The following TBC1D9B variants were observed in gnomAD, a reference collection of about 807,000 sequenced individuals.
The protein encoded by TBC1D9B is TBC1 domain family, member 9B (with GRAM domain).
TBC1D9B carries 87 observed loss-of-function variants against 121.1 expected under a neutral mutation model. That is an observed-to-expected ratio of 0.72 (90% CI 0.60 to 0.86). The LOEUF is 0.86. TBC1D9B is among the 40% of genes least tolerant of loss of function. TBC1D9B has a pLI of 0.00. For synonymous variants in TBC1D9B, 668 were observed against 670.1 expected (o/e 1.00, Z 0.05); for missense variants, 1,540 against 1,628.6 (o/e 0.95, Z 0.94).
Position 179,885,597 on chromosome 5 carries a change from A to C in TBC1D9B, c.1254+2506T>G, listed in dbSNP as rs1760661023. 6.6e-6 allele frequency among the ~76,000 whole-genome samples: 1 copy of C among 151,460 alleles called. No homozygotes were observed. The highest frequency in any genetic ancestry group is 2.4e-5 in the African/African-American group (1 of 41,224). Reference sequence around the variant, plus strand: ...GAGCAAGACTCTGTCCCCCCCCCAAAAAAAAAAAGATGGAGGTATTTTACG... The same window carrying C: ...GAGCAAGACTCTGTCCCCCCCCCAACAAAAAAAAGATGGAGGTATTTTACG... On this transcript the variant is annotated intron_variant, in intron 7 of 20. Coordinates refer to ENST00000355235, the MANE Select transcript of TBC1D9B (RefSeq NM_015043.4). This position sits in a 1 kb window ranked among gnomAD's most constrained non-coding sequence, Gnocchi z 4.5.
chr5:179,865,387 T>C lies in TBC1D9B; in HGVS notation c.2915-27A>G. 1.9e-6 allele frequency: 3 copies of C among 1,608,830 alleles called. No individual in the cohort carries two copies. The highest frequency in any genetic ancestry group is 1.7e-6 in the Non-Finnish European group (2 of 1,175,392). ...TGCAGGTTAGGAGGAAAGAGATTAA[T>C]CTTTGTCATGTGAGACGGCTGCGGG... On this transcript the variant is annotated intron_variant, in intron 19 of 20. Coordinates refer to ENST00000355235, the MANE Select transcript of TBC1D9B (RefSeq NM_015043.4). This position sits in a 1 kb window ranked among gnomAD's most constrained non-coding sequence, Gnocchi z 5.1.
chr5:179,879,919 G>C, intron 7 of TBC1D9B, 130 bp from the exon 8 acceptor site: 1 of 1,142,412 alleles, frequency 8.8e-7, no homozygotes, highest in South Asian at 1.6e-5. Flanking sequence ...GGTGCACGGA[G>C]AAGAGCCTGT....
At position 179,863,801 on chromosome 5, in the gene TBC1D9B, C is replaced by T. The variant is rs141190577; in HGVS notation, c.3349G>A (p.Glu1117Lys). 1.3e-5 allele frequency: 21 copies of T among 1,613,562 alleles called. 1 individual carries two copies. The Admixed American group carries it at 2.0e-4, about 15-fold the overall frequency. ...AGCTGGGAGGGTGAGCCCTGTCCCT[C>T]GCCGCTGCCCCCCTCCACCACCACC... The part of the protein sequence containing the change: ...SQVVVEGGSG[E>K]GQGSPSQLLS... Residue 1117 changes from glutamate (E) to lysine (K), a missense_variant, in exon 21 of 21, where the codon GAG becomes AAG. Glu to Lys is a moderately conservative substitution (Grantham distance 56). Transcript: ENST00000355235. This position sits in a 1 kb window ranked among gnomAD's most constrained non-coding sequence, Gnocchi z 4.5.
chr5:179,869,506 G>A, intron 17 of TBC1D9B: 1 of 644,330 alleles, frequency 1.6e-6, no homozygotes, highest in East Asian at 3.1e-5. Flanking sequence ...GGGTCCAGCT[G>A]CCTCCTCGGT....
At position 179,862,712 on chromosome 5, in the gene TBC1D9B, C is replaced by T. The variant is rs1457350754; in HGVS notation, c.*736G>A. On this transcript the variant is annotated 3_prime_UTR_variant, in exon 21 of 21. Coordinates refer to ENST00000355235, the MANE Select transcript of TBC1D9B (RefSeq NM_015043.4). ...GGGAGGCCTAAGCAGTGGTTGGGGG[C>T]CACAGCAAGGCATTGCACACAGTGG... The T allele has an allele frequency of 2.4e-6, 1 of 423,704 alleles. No individual in the cohort carries two copies. The highest frequency in any genetic ancestry group is 2.0e-5 in the African/African-American group (1 of 49,544). 26.2% of individuals were successfully genotyped at this position (423,704 alleles called of 1,614,324 possible).
At chr5:179,878,990 G>C in intron 9 of TBC1D9B, 57 bp downstream of exon 9, 1 of 1,575,316 alleles carries the variant, frequency 6.3e-7, no homozygotes, top group East Asian at 2.2e-5. Context: ...CTCACACGGG[G>C]AGAGCTTGGG....
intron 3 of TBC1D9B, among the ~76,000 whole-genome samples, chr5:179,898,742 C>T (rs1339776156): frequency 2.0e-5 from 3 of 152,224 alleles, no homozygotes; most frequent in Non-Finnish European, 4.4e-5. Flanking sequence ...GGCCACCACA[C>T]CTGGCCCTTT....
chr5:179,907,558 G>T lies in TBC1D9B; in HGVS notation c.118+146C>A. On this transcript the variant is annotated intron_variant, in intron 1 of 20. Transcript: ENST00000355235. This position sits in a 1 kb window ranked among gnomAD's most constrained non-coding sequence, Gnocchi z 5.3. ...CCCGGCTCCCGGGTCCTGGCCTCGCGCCCCCGCCCCGCCGCGCGCTGGCGT... is the reference window on the plus strand; with the variant it reads ...CCCGGCTCCCGGGTCCTGGCCTCGCTCCCCCGCCCCGCCGCGCGCTGGCGT... The T allele has an allele frequency of 3.4e-6, 1 of 295,540 alleles. No individual in the cohort carries two copies. The allele number at this position is 295,540 out of a possible 1,614,324, so 18.3% of individuals were successfully genotyped here.
chr5:179,898,533 C>T (rs1761077374), intron 3 of TBC1D9B, among the ~76,000 whole-genome samples: 1 of 151,788 alleles, frequency 6.6e-6, no homozygotes, highest in Non-Finnish European at 1.5e-5. Flanking sequence ...ACTGCAACCT[C>T]GGCCTCCTGG....
chr5:179,877,150 T>A (rs1288818743), intron 10 of TBC1D9B, among the ~76,000 whole-genome samples: 3 of 144,954 alleles, frequency 2.1e-5, no homozygotes, highest in East Asian at 4.1e-4. Flanking sequence ...TTTGAGAGGC[T>A]GAGGCGGAAA....
rs1163602365 is a variant in TBC1D9B at position 179,907,473 on chromosome 5, C to A, written c.118+231G>T. ...CGCCCCAAGCCGACCTGAGGAGAGC[C>A]CGCCGAGGGCGCATTCGCCTCCCGC... On this transcript the variant is annotated intron_variant, in intron 1 of 20. Coordinates refer to ENST00000355235, the MANE Select transcript of TBC1D9B (RefSeq NM_015043.4). The surrounding 1 kb of genome is among the most constrained non-coding windows in gnomAD (Gnocchi z 5.3). Among the ~76,000 whole-genome samples, 1 of 151,386 alleles carries A rather than the reference C, an allele frequency of 6.6e-6. No homozygotes were observed. Among genetic ancestry groups the A allele is most frequent in the African/African-American group, 2.4e-5 (1 of 41,370 alleles).
At chr5:179,905,933 G>A (rs1227419275) in intron 1 of TBC1D9B, among the ~76,000 whole-genome samples, 1 of 152,190 alleles carries the variant, frequency 6.6e-6, no homozygotes, top group African/African-American at 2.4e-5. Flanking sequence ...AAGGTGGAGT[G>A]CAATGGCGCC....
At position 179,870,235 on chromosome 5, in the gene TBC1D9B, T is replaced by A; in HGVS notation, c.2725+20A>T. On this transcript the variant is annotated intron_variant, in intron 16 of 20. Transcript: ENST00000355235. The stretch of plus-strand genomic sequence containing the variant: ...GGGTGAGGGAGGGTCAAGCCCCTGG[T>A]AGGCCCTGCAGGCACTCACTCATCC... The A allele has an allele frequency of 2.5e-6, 4 of 1,612,952 alleles. No individual in the cohort carries two copies. In the South Asian group the frequency reaches 3.3e-5, roughly 13 times the overall value.
chr5:179,885,810 C>G lies in TBC1D9B; in HGVS notation c.1254+2293G>C, dbSNP rs961919587. Among the ~76,000 whole-genome samples the G allele has an allele frequency of 2.6e-5, 4 of 152,146 alleles. No homozygotes were observed. The highest frequency in any genetic ancestry group is 2.6e-4 in the Admixed American group (4 of 15,272). On this transcript the variant is annotated intron_variant, in intron 7 of 20. Transcript: ENST00000355235. This position sits in a 1 kb window ranked among gnomAD's most constrained non-coding sequence, Gnocchi z 4.5. ...TAACCCCATTAACACGTAAACAGGTCGTGCCCTCCTCTGGTCATGACTCTT... is the reference window on the plus strand; with the variant it reads ...TAACCCCATTAACACGTAAACAGGTGGTGCCCTCCTCTGGTCATGACTCTT...
chr5:179,897,129 G>C (rs539355118), intron 3 of TBC1D9B, among the ~76,000 whole-genome samples: 5 of 151,800 alleles, frequency 3.3e-5, no homozygotes, highest in African/African-American at 4.8e-5. Flanking sequence ...GGATGGTCTC[G>C]ATCTCCTGAC....
chr5:179,873,016 A>G lies in TBC1D9B; in HGVS notation c.2317-26T>C, dbSNP rs758082755. The G allele has an allele frequency of 1.7e-5, 28 of 1,613,852 alleles. No individual in the cohort carries two copies. In the South Asian group the frequency reaches 3.1e-4, roughly 18 times the overall value. On this transcript the variant is annotated intron_variant, in intron 13 of 20. Transcript: ENST00000355235. Reference sequence around the variant, plus strand: ...CTATAGGGAGAGGTGACTTGGTGAGATCAAGCCAACTGCAGGGCAGAGGGC... The same window carrying G: ...CTATAGGGAGAGGTGACTTGGTGAGGTCAAGCCAACTGCAGGGCAGAGGGC...
chr5:179,882,119 A>G (rs1212122033), intron 7 of TBC1D9B, among the ~76,000 whole-genome samples: 12 of 151,786 alleles, frequency 7.9e-5, no homozygotes, highest in Non-Finnish European at 2.9e-5. Flanking sequence ...TAATTTTTGT[A>G]TTTTTAATAG....
Position 179,864,086 on chromosome 5 carries a change from T to C in TBC1D9B, c.3064A>G (p.Ser1022Gly), listed in dbSNP as rs147946905. 6.2e-6 allele frequency: 10 copies of C among 1,613,208 alleles called. No homozygotes were observed. The African/African-American group carries it at 1.2e-4, about 19-fold the overall frequency. ...ELCKTLYNMF[S>G]EDPMEQDLYH... is the part of the protein sequence containing the mutation. ...AGGTCCTGCTCCATGGGGTCTTCAC[T>C]GAACATGTTGTAAAGCGTCTTGCAC... Residue 1022 changes from serine to glycine, a missense_variant, in exon 21 of 21, where the codon AGT (serine) becomes GGT (glycine). Ser to Gly is a moderately conservative substitution (Grantham distance 56, BLOSUM62 0). Transcript: ENST00000355235.
At chr5:179,892,139 G>A (rs1760884458) in intron 5 of TBC1D9B, among the ~76,000 whole-genome samples, 1 of 152,248 alleles carries the variant, frequency 6.6e-6, no homozygotes, top group African/African-American at 2.4e-5. Flanking sequence ...TGGTGGCTCT[G>A]TCCACATAAA....
Sources: allele counts gnomAD v4.1 joint callset (sites outside exome capture counted in the v4.1 genomes callset), GRCh38; gene constraint gnomAD v4.1.1; non-coding constraint Gnocchi (gnomAD v3.1); transcripts MANE v1.5; gene names NCBI Gene and HGNC (gene_info 2026-07-23, HGNC 2026-07-21).